Variants in GLIS3 observed in about 807,000 individuals in gnomAD.
The protein encoded by GLIS3 is GLIS family zinc finger 3, also known as zinc finger protein GLIS3.
A neutral mutation model predicts 78.6 loss-of-function variants in GLIS3; 53 were observed. The ratio of observed to expected loss-of-function variants is 0.67; its 90% CI spans 0.54 to 0.85. The LOEUF (loss-of-function observed/expected upper bound fraction) is 0.85. Ranked by LOEUF, GLIS3 falls within the 40% of genes least tolerant of loss-of-function variation. The pLI, the probability that GLIS3 is intolerant of heterozygous loss-of-function variation, is 0.00. For synonymous variants in GLIS3, 684 were observed against 509.9 expected (o/e 1.34, Z -4.60); for missense variants, 1,703 against 1,231.1 (o/e 1.38, Z -5.74).
intron 4 of GLIS3, chr9:4,054,539 T>C (rs1327871304): frequency 1.0e-6 from 1 of 974,008 alleles, no homozygotes; most frequent in African/African-American, 1.8e-5. Context: ...CAAACACAGA[T>C]CTGATCAGTG....
At chr9:4,480,196 CTTTCTTTTTTTT>C in the GLIS3 span, among the ~76,000 whole-genome samples, 1 of 133,370 alleles carries the variant, frequency 7.5e-6, no homozygotes, top group African/African-American at 3.0e-5. Flanking sequence ...CCAGGCTGGG[CTTTCTTTTTTTT>C]TTTTTTTTTT....
intron 2 of GLIS3, among the ~76,000 whole-genome samples, chr9:4,343,927 T>C (rs553312517): frequency 1.4e-4 from 21 of 151,848 alleles, no homozygotes; most frequent in African/African-American, 5.1e-4. Flanking sequence ...GAGTGGAGGG[T>C]GGGAGGAGGG....
intron 4 of GLIS3, among the ~76,000 whole-genome samples, chr9:4,083,563 T>C (rs553059938): frequency 3.9e-5 from 6 of 152,166 alleles, no homozygotes; most frequent in Non-Finnish European, 8.8e-5. Flanking sequence ...TTTCCATAGG[T>C]CATACAGCCA....
Position 4,286,204 on chromosome 9 carries a change from C to G in GLIS3, c.222G>C (p.Val74=), listed in dbSNP as rs201969800. The change falls in exon 2 of 11, where the codon GTG becomes GTC. Residue 74 remains valine (V), a synonymous_variant. Coordinates refer to ENST00000381971, the MANE Select transcript of GLIS3 (RefSeq NM_001042413.2). ...CAGGCAGATGGATGCGGCTCTCAGC[C>G]ACGTTGTTCTGAGGAGCCATCCCTC... The part of the protein sequence containing the change: ...SGGGMAPQNN[V]AESRIHLPAL... The G allele has an allele frequency of 1.9e-6, 3 of 1,614,220 alleles. No homozygotes were observed. Among genetic ancestry groups the G allele is most frequent in the Middle Eastern group, 1.6e-4 (1 of 6,062 alleles).
At chr9:4,291,893 A>G (rs1816011874) in intron 1 of GLIS3, among the ~76,000 whole-genome samples, 1 of 152,140 alleles carries the variant, frequency 6.6e-6, no homozygotes, top group African/African-American at 2.4e-5. Context: ...TTCACTAGTA[A>G]TTATTAGAAG....
chr9:3,932,304 T>C, intron 6 of GLIS3, 56 bp downstream of exon 6: 1 of 1,370,968 alleles, frequency 7.3e-7, no homozygotes, highest in Non-Finnish European at 1.0e-6. Flanking sequence ...CTTCGTGTAC[T>C]ACAAGAATAA....
intron 9 of GLIS3, among the ~76,000 whole-genome samples, chr9:3,830,777 A>G (rs1397726823): frequency 1.3e-5 from 2 of 152,178 alleles, no homozygotes; most frequent in African/African-American, 4.8e-5. Flanking sequence ...TAAAGAAATG[A>G]ACCACCTATC....
At chr9:3,862,704 CG>C (rs1421375645) in intron 8 of GLIS3, among the ~76,000 whole-genome samples, 1 of 152,086 alleles carries the variant, frequency 6.6e-6, no homozygotes, top group Admixed American at 6.6e-5. Context: ...TGTTTTTACA[CG>C]ATCAACTAGA....
intron 9 of GLIS3, among the ~76,000 whole-genome samples, chr9:3,845,886 G>A (rs1007617076): frequency 2.0e-5 from 3 of 152,228 alleles, no homozygotes; most frequent in African/African-American, 7.2e-5. Flanking sequence ...TCTGGAGTCA[G>A]ATGGTCCTGG....
the GLIS3 span, among the ~76,000 whole-genome samples, chr9:4,463,903 G>C: frequency 6.6e-6 from 1 of 152,202 alleles, no homozygotes. Flanking sequence ...GTCAAGGACA[G>C]TTTCCATGAG....
At chr9:4,267,251 G>C (rs1455015662) in intron 2 of GLIS3, among the ~76,000 whole-genome samples, 4 of 152,016 alleles carry the variant, frequency 2.6e-5, no homozygotes, top group Admixed American at 1.3e-4. Context: ...GCAATTTCTG[G>C]TATCTGGACT....
intron 4 of GLIS3, among the ~76,000 whole-genome samples, chr9:4,097,977 C>G (rs960501130): frequency 1.3e-5 from 2 of 152,182 alleles, no homozygotes; most frequent in South Asian, 2.1e-4. Context: ...TGTCATATTA[C>G]TCTTACAGTT....
rs536397203 is a variant in GLIS3, at chr9:3,826,987, G to A, written c.*1285C>T. The A allele has an allele frequency of 4.5e-4, 69 of 152,206 alleles. No individual in the cohort carries two copies. Among genetic ancestry groups the A allele is most frequent in the African/African-American group, 1.5e-3 (61 of 41,520 alleles). The allele number at this position is 152,206 out of a possible 1,614,324, so 9.4% of individuals were successfully genotyped here. A position where few individuals can be genotyped will look rare whatever the true frequency, so the allele number is the denominator to read the frequency against. ...CTTCCTATTTAGGCTTGATATTTTCGACCAAGTGCTATGTGAAAATTCCAG... is the reference window on the plus strand; with the variant it reads ...CTTCCTATTTAGGCTTGATATTTTCAACCAAGTGCTATGTGAAAATTCCAG... On this transcript the variant is annotated 3_prime_UTR_variant, in exon 11 of 11. Transcript: ENST00000381971.
intron 2 of GLIS3, among the ~76,000 whole-genome samples, chr9:4,138,147 A>G (rs1363060972): frequency 2.6e-5 from 4 of 152,250 alleles, no homozygotes; most frequent in African/African-American, 9.6e-5. Flanking sequence ...CATCTGGTGG[A>G]CACATCTGTG....
the GLIS3 span, among the ~76,000 whole-genome samples, chr9:4,490,243 T>G: frequency 6.6e-6 from 1 of 152,146 alleles, no homozygotes; most frequent in Non-Finnish European, 1.5e-5. Flanking sequence ...CGAGACAGAC[T>G]CCAGTGGAAG....
At chr9:4,472,621 G>T in the GLIS3 span, among the ~76,000 whole-genome samples, 1 of 151,518 alleles carries the variant, frequency 6.6e-6, no homozygotes, top group Non-Finnish European at 1.5e-5. Flanking sequence ...GTGTGGGGAG[G>T]GGGGAGGGAT....
At chr9:4,244,403 G>A (rs997545292) in intron 2 of GLIS3, among the ~76,000 whole-genome samples, 1 of 152,190 alleles carries the variant, frequency 6.6e-6, no homozygotes, top group African/African-American at 2.4e-5. Context: ...ACAGGCGTAT[G>A]CTGTTAGTAT....
chr9:4,241,703 G>C (rs1338955530), intron 2 of GLIS3, among the ~76,000 whole-genome samples: 6 of 151,940 alleles, frequency 3.9e-5, no homozygotes, highest in Admixed American at 3.3e-4. Flanking sequence ...TTGAGATACA[G>C]TCTTGCTCTG....
At chr9:4,254,744 G>A (rs1057393170) in intron 2 of GLIS3, among the ~76,000 whole-genome samples, 1 of 151,818 alleles carries the variant, frequency 6.6e-6, no homozygotes, top group African/African-American at 2.4e-5. Flanking sequence ...GGAGGCTGAG[G>A]CAGGAGAATT....
Sources: allele counts gnomAD v4.1 joint callset (sites outside exome capture counted in the v4.1 genomes callset), GRCh38; gene constraint gnomAD v4.1.1; transcripts MANE v1.5; gene names NCBI Gene and HGNC (gene_info 2026-07-23, HGNC 2026-07-21).